SORCS2: variants seen among roughly 807,000 people sequenced by gnomAD.
The protein encoded by SORCS2 is VPS10 domain-containing receptor SorCS2.
A neutral mutation model predicts 141.6 loss-of-function variants in SORCS2; 100 were observed. That is an observed-to-expected ratio of 0.71 (90% CI 0.60 to 0.83). The LOEUF (loss-of-function observed/expected upper bound fraction) is 0.83. Ranked by LOEUF, SORCS2 falls within the 40% of genes least tolerant of loss-of-function variation. The pLI is 0.00. For missense variants in SORCS2, 1,646 were observed against 1,560.2 expected (o/e 1.05, Z -0.93); for synonymous variants, 789 against 676.9 (o/e 1.17, Z -2.57).
chr4:7,598,899 G>T (rs1577815919), intron 3 of SORCS2, among the ~76,000 whole-genome samples: 1 of 152,182 alleles, frequency 6.6e-6, no homozygotes, highest in African/African-American at 2.4e-5. Flanking sequence ...GCCGCAGCAC[G>T]AGGAGCCCTG....
chr4:7,639,588 C>A (rs976447380), intron 4 of SORCS2, among the ~76,000 whole-genome samples: 54 of 147,642 alleles, frequency 3.7e-4, no homozygotes, highest in African/African-American at 1.3e-3. Context: ...TGTGGGAATG[C>A]GAGTGTGGGT....
chr4:7,342,339 A>C (rs1720414536), intron 1 of SORCS2, among the ~76,000 whole-genome samples: 1 of 152,336 alleles, frequency 6.6e-6, no homozygotes, highest in South Asian at 2.1e-4. Context: ...TGCCTGGAAG[A>C]GCCTGTGCTG....
chr4:7,595,884 A>T (rs1278558989), intron 3 of SORCS2, among the ~76,000 whole-genome samples: 1 of 152,004 alleles, frequency 6.6e-6, no homozygotes, highest in African/African-American at 2.4e-5. Flanking sequence ...CCCGACGCGG[A>T]CTCTGACCTC....
chr4:7,416,725 G>GAC (rs34903700), intron 2 of SORCS2, among the ~76,000 whole-genome samples: 143,335 of 150,370 alleles, frequency 0.95, 68,199 homozygotes, highest in Middle Eastern at 0.98. Context: ...CACACACTCA[G>GAC]ACACACACGC....
intron 1 of SORCS2, among the ~76,000 whole-genome samples, chr4:7,281,089 G>A (rs1026687292): frequency 6.6e-6 from 1 of 152,150 alleles, no homozygotes; most frequent in African/African-American, 2.4e-5. Flanking sequence ...CATTTTTGAA[G>A]CACGGCCTCA....
chr4:7,486,923 G>A (rs1439803232), intron 2 of SORCS2, among the ~76,000 whole-genome samples: 1 of 152,186 alleles, frequency 6.6e-6, no homozygotes, highest in East Asian at 1.9e-4. Context: ...CTCCAAATAA[G>A]GTCACATTCA....
chr4:7,507,440 C>T (rs1732338194), intron 2 of SORCS2, among the ~76,000 whole-genome samples: 2 of 152,204 alleles, frequency 1.3e-5, no homozygotes, highest in African/African-American at 4.8e-5. Flanking sequence ...TCCCAAAGTG[C>T]TGAGATTACA....
intron 1 of SORCS2, among the ~76,000 whole-genome samples, chr4:7,222,485 C>T (rs928518949): frequency 2.6e-5 from 4 of 150,972 alleles, no homozygotes; most frequent in South Asian, 2.1e-4. Flanking sequence ...TGGCAGAGAG[C>T]GGGGCATGGG....
At chr4:7,449,959 T>A (rs1728335520) in intron 2 of SORCS2, among the ~76,000 whole-genome samples, 2 of 152,130 alleles carry the variant, frequency 1.3e-5, no homozygotes. Flanking sequence ...AAACAAATAA[T>A]GTTTGCTTTC....
At chr4:7,689,646 C>T (rs1000179934) in intron 11 of SORCS2, 58 bp downstream of exon 11, 1 of 1,473,192 alleles carries the variant, frequency 6.8e-7, no homozygotes, top group Non-Finnish European at 9.3e-7. Context: ...AGAGTACCTC[C>T]AATCTTAAGG....
At chr4:7,735,343 C>G (rs1435990275) in intron 25 of SORCS2, 1 of 154,596 alleles carries the variant, frequency 6.5e-6, no homozygotes, top group Non-Finnish European at 1.5e-5. Context: ...CTCCCCCAAC[C>G]CCTCCTCCTG....
At chr4:7,447,997 T>C (rs1728108624) in intron 2 of SORCS2, among the ~76,000 whole-genome samples, 1 of 152,208 alleles carries the variant, frequency 6.6e-6, no homozygotes, top group Admixed American at 6.5e-5. Context: ...GCCGCTGTGC[T>C]GCCGGCCTTG....
intron 1 of SORCS2, among the ~76,000 whole-genome samples, chr4:7,317,221 T>C (rs1254539745): frequency 1.3e-5 from 2 of 152,078 alleles, no homozygotes; most frequent in Non-Finnish European, 2.9e-5. Flanking sequence ...GTGACTATAG[T>C]GATCATACAG....
intron 5 of SORCS2, 28 bp from the exon 6 acceptor site, chr4:7,661,472 G>C: frequency 3.9e-6 from 6 of 1,550,936 alleles, no homozygotes; most frequent in Non-Finnish European, 5.2e-6. Flanking sequence ...CTCCATTCCC[G>C]ACCCCAGCCT....
At chr4:7,487,132 A>G (rs1357164699) in intron 2 of SORCS2, among the ~76,000 whole-genome samples, 1 of 151,676 alleles carries the variant, frequency 6.6e-6, no homozygotes, top group Non-Finnish European at 1.5e-5. Context: ...TAACGATGTG[A>G]CTCACCCTCC....
At chr4:7,643,199 A>C (rs1720855234) in intron 4 of SORCS2, among the ~76,000 whole-genome samples, 2 of 152,202 alleles carry the variant, frequency 1.3e-5, no homozygotes, top group South Asian at 4.1e-4. Context: ...GATCCTGGAC[A>C]GCCTTCCTGG....
At chr4:7,534,727 G>T (rs1425336051) in intron 3 of SORCS2, among the ~76,000 whole-genome samples, 1 of 152,216 alleles carries the variant, frequency 6.6e-6, no homozygotes, top group Non-Finnish European at 1.5e-5. Context: ...CCGGAAAGAA[G>T]TTGGAAAAGC....
intron 1 of SORCS2, among the ~76,000 whole-genome samples, chr4:7,260,387 C>T (rs548326156): frequency 1.2e-4 from 18 of 152,002 alleles, no homozygotes; most frequent in Non-Finnish European, 1.8e-4. Context: ...TCCCACCTCC[C>T]CCCTCCCAGG....
chr4:7,198,326 A>G (rs1347804187), intron 1 of SORCS2, among the ~76,000 whole-genome samples: 1 of 152,220 alleles, frequency 6.6e-6, no homozygotes, highest in Non-Finnish European at 1.5e-5. Flanking sequence ...ATCCACGACA[A>G]AGCTGACTTG....
Sources: allele counts gnomAD v4.1 joint callset (sites outside exome capture counted in the v4.1 genomes callset), GRCh38; gene constraint gnomAD v4.1.1; transcripts MANE v1.5; gene names NCBI Gene and HGNC (gene_info 2026-07-23, HGNC 2026-07-21).